PCDH9: variants seen among roughly 807,000 people sequenced by gnomAD.
PCDH9 encodes the protein protocadherin-9.
PCDH9 carries 24 observed loss-of-function variants against 70.6 expected under a neutral mutation model. The observed-to-expected ratio is 0.34, with a 90% CI of 0.25 to 0.48. The LOEUF is 0.48. PCDH9 is among the 20% of genes least tolerant of loss of function. The probability of loss-of-function intolerance (pLI) is 0.99; values close to 1 mark genes in which losing one functional copy is unlikely to be tolerated. For missense variants in PCDH9, 1,281 were observed against 1,503.6 expected (o/e 0.85, Z 2.45); for synonymous variants, 562 against 558.5 (o/e 1.01, Z -0.09).
chr13:66,828,105 T>C (rs544622475), intron 3 of PCDH9, among the ~76,000 whole-genome samples: 3 of 152,150 alleles, frequency 2.0e-5, no homozygotes, highest in African/African-American at 7.2e-5. Context: ...AGAAAAGTAC[T>C]GGCAAACAAA....
At chr13:66,575,814 G>A (rs547824095) in intron 4 of PCDH9, among the ~76,000 whole-genome samples, 3 of 151,790 alleles carry the variant, frequency 2.0e-5, no homozygotes, top group African/African-American at 4.9e-5. Context: ...ATATAATGAG[G>A]TTTTTATAAA....
At chr13:67,145,117 T>G (rs1280976998) in intron 2 of PCDH9, among the ~76,000 whole-genome samples, 1 of 152,018 alleles carries the variant, frequency 6.6e-6, no homozygotes, top group African/African-American at 2.4e-5. Flanking sequence ...TCCTAACTGG[T>G]TTTAAAGGGA....
intron 3 of PCDH9, among the ~76,000 whole-genome samples, chr13:66,824,548 G>A (rs978580205): frequency 2.7e-5 from 4 of 147,238 alleles, no homozygotes; most frequent in South Asian, 2.1e-4. Flanking sequence ...CCAGCTACCC[G>A]GTAGGCTGAG....
chr13:66,679,203 C>A (rs1003220190), intron 3 of PCDH9, among the ~76,000 whole-genome samples: 2 of 151,576 alleles, frequency 1.3e-5, no homozygotes, highest in African/African-American at 4.8e-5. Context: ...ACAATTTAAT[C>A]TTTAAAAAGG....
chr13:67,154,605 T>TACACACAAAC (rs2087757909), intron 2 of PCDH9, among the ~76,000 whole-genome samples: 2 of 93,284 alleles, frequency 2.1e-5, no homozygotes, highest in Non-Finnish European at 4.0e-5. Context: ...AATATATATA[T>TACACACAAAC]ACACACACAC....
intron 4 of PCDH9, among the ~76,000 whole-genome samples, chr13:66,510,195 C>T (rs1366378575): frequency 6.6e-5 from 10 of 151,970 alleles, no homozygotes. Context: ...TCTATAAAAG[C>T]ATTTTTGCTT....
At chr13:66,993,103 A>C (rs1454725104) in intron 2 of PCDH9, among the ~76,000 whole-genome samples, 1 of 152,194 alleles carries the variant, frequency 6.6e-6, no homozygotes, top group East Asian at 1.9e-4. Flanking sequence ...TCGTCTCATG[A>C]AACAGAAGTA....
intron 2 of PCDH9, among the ~76,000 whole-genome samples, chr13:66,916,553 G>A (rs1204994075): frequency 6.6e-6 from 1 of 151,524 alleles, no homozygotes; most frequent in African/African-American, 2.4e-5. Context: ...GATCTGGTGA[G>A]TTTAAAATCA....
intron 2 of PCDH9, among the ~76,000 whole-genome samples, chr13:66,905,015 G>A (rs375611256): frequency 7.9e-5 from 12 of 151,616 alleles, no homozygotes; most frequent in African/African-American, 2.7e-4. Context: ...CTTTTCATGC[G>A]TCATTCAACA....
At chr13:66,939,590 C>G (rs2082975187) in intron 2 of PCDH9, among the ~76,000 whole-genome samples, 1 of 151,962 alleles carries the variant, frequency 6.6e-6, no homozygotes, top group South Asian at 2.1e-4. Context: ...GTGGCTTCCA[C>G]CATACACTGC....
intron 4 of PCDH9, among the ~76,000 whole-genome samples, chr13:66,569,736 G>A (rs1419254170): frequency 6.6e-6 from 1 of 152,106 alleles, no homozygotes. Flanking sequence ...TAAGAGATGG[G>A]ATGATTAAGT....
At chr13:66,900,033 A>C (rs1003201304) in intron 3 of PCDH9, among the ~76,000 whole-genome samples, 1 of 151,980 alleles carries the variant, frequency 6.6e-6, no homozygotes, top group African/African-American at 2.4e-5. Flanking sequence ...GAGGTAGGGC[A>C]AGCTACTCAA....
At chr13:66,989,139 G>T (rs2083951366) in intron 2 of PCDH9, among the ~76,000 whole-genome samples, 1 of 151,862 alleles carries the variant, frequency 6.6e-6, no homozygotes, top group Non-Finnish European at 1.5e-5. Flanking sequence ...CAACCATGGT[G>T]AATAAGTATT....
chr13:66,493,764 A>G (rs867300615), intron 4 of PCDH9, among the ~76,000 whole-genome samples: 5 of 152,256 alleles, frequency 3.3e-5, no homozygotes, highest in Middle Eastern at 6.8e-3. Context: ...GGATTAACTG[A>G]TTTATAGAAA....
intron 2 of PCDH9, among the ~76,000 whole-genome samples, chr13:67,050,311 G>A (rs1275601323): frequency 1.3e-5 from 2 of 151,914 alleles, no homozygotes; most frequent in East Asian, 1.9e-4. Context: ...TGAGCAGGTA[G>A]GGGAAAAAAA....
Position 67,225,569 on chromosome 13 carries a change from C to A in PCDH9, c.2872G>T (p.Val958Leu). Residue 958 changes from valine (V) to leucine (L), a missense_variant, in exon 2 of 5, where the codon GTG (valine) becomes TTG (leucine). Around this residue, in one of 4 missense-constraint regions of PCDH9, gnomAD observed 207 missense variants for 191.8 expected, o/e 1.08. Transcript: ENST00000377865. Reference sequence around the variant, plus strand: ...TCCTGAATCACGTGGTGCTTTTTCACGGAAACTGGAGTGTCTGGTTTGAGA... The same window carrying A: ...TCCTGAATCACGTGGTGCTTTTTCAAGGAAACTGGAGTGTCTGGTTTGAGA... Reference protein sequence around the residue: ...FHLKPDTPVSVKKHHVIQELP... With the variant: ...FHLKPDTPVSLKKHHVIQELP... 1 of 1,614,140 alleles carries A rather than the reference C, an allele frequency of 6.2e-7. No individual in the cohort carries two copies. The highest frequency in any genetic ancestry group is 8.5e-7 in the Non-Finnish European group (1 of 1,180,034).
chr13:67,188,915 T>C (rs529954910), intron 2 of PCDH9, among the ~76,000 whole-genome samples: 267 of 152,130 alleles, frequency 1.8e-3, no homozygotes, highest in Non-Finnish European at 3.5e-3. Flanking sequence ...ACCTGATTTG[T>C]AGTCTTTTAT....
chr13:66,612,396 G>A (rs1303123274), intron 4 of PCDH9, among the ~76,000 whole-genome samples: 1 of 152,184 alleles, frequency 6.6e-6, no homozygotes, highest in Non-Finnish European at 1.5e-5. Flanking sequence ...ATAGAGCAAT[G>A]CATTTACAGT....
chr13:66,443,803 A>T (rs1365334916), intron 4 of PCDH9, among the ~76,000 whole-genome samples: 1 of 152,204 alleles, frequency 6.6e-6, no homozygotes, highest in African/African-American at 2.4e-5. Context: ...TTTTCATCAC[A>T]GACAGTTGGT....
Sources: allele counts gnomAD v4.1 joint callset (sites outside exome capture counted in the v4.1 genomes callset), GRCh38; gene constraint gnomAD v4.1.1; regional missense constraint gnomAD v4.1.1; transcripts MANE v1.5; gene names NCBI Gene and HGNC (gene_info 2026-07-23, HGNC 2026-07-21).